HIVEP3: variants seen among roughly 807,000 people sequenced by gnomAD.
HIVEP3 encodes transcription factor HIVEP3.
A neutral mutation model predicts 152.8 loss-of-function variants in HIVEP3; 49 were observed. That is an observed-to-expected ratio of 0.32 (90% CI 0.26 to 0.41). The LOEUF (loss-of-function observed/expected upper bound fraction) is 0.41. Ranked by LOEUF, HIVEP3 falls within the 10% of genes least tolerant of loss-of-function variation. The pLI is 1.00. For missense variants in HIVEP3, 2,790 were observed against 3,103.3 expected (o/e 0.90, Z 2.40); for synonymous variants, 1,269 against 1,289.0 (o/e 0.98, Z 0.33).
At chr1:41,616,903 C>G (rs1388239018) in intron 3 of HIVEP3, among the ~76,000 whole-genome samples, 2 of 152,204 alleles carry the variant, frequency 1.3e-5, no homozygotes, top group African/African-American at 4.8e-5. Flanking sequence ...ATAATTAACT[C>G]AGTTACTGCT....
intron 1 of HIVEP3, among the ~76,000 whole-genome samples, chr1:41,803,220 G>A (rs748843952): frequency 6.6e-6 from 1 of 152,192 alleles, no homozygotes; most frequent in Non-Finnish European, 1.5e-5. Context: ...TCTGACAGTG[G>A]GGCAGCTCAG....
chr1:41,663,754 G>C (rs893363366), intron 2 of HIVEP3, among the ~76,000 whole-genome samples: 2 of 152,186 alleles, frequency 1.3e-5, no homozygotes. Context: ...TGTGATTGCA[G>C]CTGGACATGG....
chr1:42,009,153 G>A (rs1380763805), intron 1 of HIVEP3, among the ~76,000 whole-genome samples: 2 of 152,178 alleles, frequency 1.3e-5, no homozygotes, highest in African/African-American at 2.4e-5. Context: ...TTCAGAAAAC[G>A]TGAGTATAGA....
intron 1 of HIVEP3, among the ~76,000 whole-genome samples, chr1:41,747,426 C>T (rs1254461382): frequency 1.3e-5 from 2 of 152,192 alleles, no homozygotes; most frequent in Non-Finnish European, 2.9e-5. Context: ...CTCTCACCTG[C>T]ATTTCTGGCA....
At chr1:41,555,985 G>C (rs1366546419) in intron 5 of HIVEP3, among the ~76,000 whole-genome samples, 1 of 152,208 alleles carries the variant, frequency 6.6e-6, no homozygotes, top group Admixed American at 6.5e-5. Flanking sequence ...TTAAGGTTGA[G>C]TGGTATTTCA....
intron 2 of HIVEP3, among the ~76,000 whole-genome samples, chr1:41,687,192 C>G (rs543791455): frequency 3.2e-4 from 48 of 152,306 alleles, no homozygotes; most frequent in African/African-American, 1.0e-3. Flanking sequence ...GTTTGTAGAA[C>G]AGTACACAGT....
intron 1 of HIVEP3, among the ~76,000 whole-genome samples, chr1:41,740,033 G>A (rs1302070657): frequency 6.6e-6 from 1 of 152,250 alleles, no homozygotes; most frequent in Non-Finnish European, 1.5e-5. Context: ...AAAATGGGAT[G>A]AGAGGGTTGA....
chr1:41,687,044 C>T (rs1365637994), intron 2 of HIVEP3, among the ~76,000 whole-genome samples: 3 of 151,978 alleles, frequency 2.0e-5, no homozygotes, highest in African/African-American at 4.8e-5. Context: ...GGAGGTGCTG[C>T]CATGTTAAGT....
chr1:41,755,909 T>G (rs1647287864), intron 1 of HIVEP3, among the ~76,000 whole-genome samples: 1 of 152,204 alleles, frequency 6.6e-6, no homozygotes, highest in Non-Finnish European at 1.5e-5. Flanking sequence ...CTGAAAAATA[T>G]TAATAGTTTC....
At chr1:41,711,528 C>G (rs1199458241) in intron 1 of HIVEP3, among the ~76,000 whole-genome samples, 1 of 152,216 alleles carries the variant, frequency 6.6e-6, no homozygotes. Flanking sequence ...GAGGAAGTTC[C>G]ATGGGAAGGT....
At chr1:41,779,568 T>A (rs938614715) in intron 1 of HIVEP3, among the ~76,000 whole-genome samples, 1 of 152,260 alleles carries the variant, frequency 6.6e-6, no homozygotes, top group Non-Finnish European at 1.5e-5. Flanking sequence ...CGATTTTTGC[T>A]CATTGCAACC....
chr1:41,623,835 C>A (rs1645079213), intron 3 of HIVEP3, among the ~76,000 whole-genome samples: 1 of 152,208 alleles, frequency 6.6e-6, no homozygotes, highest in South Asian at 2.1e-4. Flanking sequence ...CTCGGGTATC[C>A]TTTTTCCTCC....
chr1:41,621,867 C>T (rs1016195031), intron 3 of HIVEP3, among the ~76,000 whole-genome samples: 3 of 152,164 alleles, frequency 2.0e-5, no homozygotes, highest in African/African-American at 7.2e-5. Context: ...ACTTCCTGAC[C>T]TCCCTATCTC....
intron 1 of HIVEP3, among the ~76,000 whole-genome samples, chr1:41,735,951 G>A (rs1489201230): frequency 6.6e-6 from 1 of 152,088 alleles, no homozygotes; most frequent in African/African-American, 2.4e-5. Flanking sequence ...CAAGAACACT[G>A]AATCAGGCCC....
intron 5 of HIVEP3, among the ~76,000 whole-genome samples, chr1:41,539,270 T>A (rs1219482031): frequency 6.6e-6 from 1 of 152,182 alleles, no homozygotes; most frequent in Admixed American, 6.5e-5. Context: ...GCTCTCTCAC[T>A]ATTAAGCTGA....
chr1:41,798,749 T>A (rs968385193), intron 1 of HIVEP3, among the ~76,000 whole-genome samples: 10 of 152,222 alleles, frequency 6.6e-5, no homozygotes, highest in African/African-American at 2.4e-4. Context: ...GTCCATTCAA[T>A]AAATGTTTAT....
chr1:41,643,360 C>A (rs1160205685), intron 2 of HIVEP3, among the ~76,000 whole-genome samples: 5 of 152,260 alleles, frequency 3.3e-5, no homozygotes, highest in Admixed American at 6.5e-5. Flanking sequence ...GCACACGGGT[C>A]TTCCTCGCAG....
At position 41,524,833 on chromosome 1, in the gene HIVEP3, C is replaced by T. The variant is rs1403670515; in HGVS notation, c.5285G>A (p.Arg1762His). ...CTTCAGCATGCTGGGCTTCTTGCAGCGAATTCCACACTCCTCACAAACATA... is the reference window on the plus strand; with the variant it reads ...CTTCAGCATGCTGGGCTTCTTGCAGTGAATTCCACACTCCTCACAAACATA... ...GKYVCEECGI[R>H]CKKPSMLKKH... The change falls in exon 6 of 9, where the codon CGC (arginine) becomes CAC (histidine). Residue 1762 changes from arginine to histidine, a missense_variant. Arg to His is a conservative substitution (Grantham distance 29). Transcript: ENST00000372583. 5.6e-6 allele frequency: 9 copies of T among 1,614,110 alleles called. No homozygotes were observed. The highest frequency in any genetic ancestry group is 2.2e-5 in the South Asian group (2 of 91,084).
At chr1:41,686,307 C>T (rs1646115614) in intron 2 of HIVEP3, among the ~76,000 whole-genome samples, 1 of 152,120 alleles carries the variant, frequency 6.6e-6, no homozygotes, top group African/African-American at 2.4e-5. Flanking sequence ...TTCCTGGGCT[C>T]AAGTGATCCT....
Sources: gnomAD v4.1 joint callset for allele counts (sites outside exome capture counted in the v4.1 genomes callset) on GRCh38, gnomAD v4.1.1 for gene constraint, MANE v1.5 for transcripts, NCBI Gene and HGNC (gene_info 2026-07-23, HGNC 2026-07-21) for gene names.